The following INPP5A variants were observed in gnomAD, a reference collection of about 807,000 sequenced individuals.
The protein encoded by INPP5A is inositol polyphosphate-5-phosphatase A, also known as 43 kDa inositol polyphosphate 5-phophatase.
INPP5A carries 14 observed loss-of-function variants against 65.2 expected under a neutral mutation model. The observed-to-expected ratio is 0.21, with a 90% confidence interval of 0.14 to 0.34. INPP5A has a LOEUF of 0.34. Ranked by LOEUF, INPP5A falls within the 10% of genes least tolerant of loss-of-function variation. The pLI, the probability that INPP5A is intolerant of heterozygous loss-of-function variation, is 1.00. For missense variants in INPP5A, 431 were observed against 545.6 expected, an observed-to-expected ratio of 0.79 and a Z score of 2.09; for synonymous variants, 207 against 208.3, an observed-to-expected ratio of 0.99 and a Z score of 0.05.
At position 132,731,808 on chromosome 10, in the gene INPP5A, T is replaced by C. The variant is rs193172343; in HGVS notation, c.732+4903T>C. Among the ~76,000 whole-genome samples the C allele has an allele frequency of 4.2e-4, 64 of 152,366 alleles. No individual in the cohort carries two copies. In the East Asian group the frequency reaches 0.01, roughly 25 times the overall value. On this transcript the variant is annotated intron_variant, in intron 9 of 15. Coordinates refer to ENST00000368594, the MANE Select transcript of INPP5A (RefSeq NM_005539.5). The stretch of plus-strand genomic sequence containing the variant: ...GAATCGGCAGAAGGAAAGCCGCATG[T>C]GCTCTGTGGTTATCACCGAGGCATG...
intron 1 of INPP5A, among the ~76,000 whole-genome samples, chr10:132,564,306 T>C (rs1186836117): frequency 6.6e-6 from 1 of 152,140 alleles, no homozygotes; most frequent in African/African-American, 2.4e-5. Context: ...ACGGATCTTA[T>C]GGAGGAGTTG....
rs1195013314 is a variant in INPP5A, at chr10:132,546,727, CA to C, written c.75+8557del. Reference sequence around the variant, plus strand: ...ACTGCCCCTCTTCCTGGGTGCACTGCATACCCCGGGCCCCCTGGGCTCTGGC... The same window carrying C: ...ACTGCCCCTCTTCCTGGGTGCACTGCTACCCCGGGCCCCCTGGGCTCTGGC... On this transcript the variant is annotated intron_variant, in intron 1 of 15. Coordinates refer to ENST00000368594, the MANE Select transcript of INPP5A (RefSeq NM_005539.5). The surrounding 1 kb of genome is among the most constrained non-coding windows in gnomAD (Gnocchi z 5.7). 6.6e-6 allele frequency among the ~76,000 whole-genome samples: 1 copy of C among 152,200 alleles called. No homozygotes were observed. The highest frequency in any genetic ancestry group is 1.5e-5 in the Non-Finnish European group (1 of 68,034).
At position 132,749,962 on chromosome 10, in the gene INPP5A, C is replaced by G. The variant is rs1288364779; in HGVS notation, c.903+117C>G. The G allele has an allele frequency of 3.3e-6, 3 of 921,460 alleles. No homozygotes were observed. In the East Asian group the frequency reaches 7.4e-5, roughly 23 times the overall value. The allele number at this position is 921,460 out of a possible 1,614,324, so 57.1% of individuals were successfully genotyped here. On this transcript the variant is annotated intron_variant, in intron 11 of 15. Coordinates refer to ENST00000368594, the MANE Select transcript of INPP5A (RefSeq NM_005539.5). ...TGCCTTGTCCCTGCCACCTCCAGGA[C>G]TCAGTTCTGAGCCAGTGCAAGTCAG...
intron 13 of INPP5A, among the ~76,000 whole-genome samples, chr10:132,778,796 G>C (rs1166231137): frequency 1.3e-5 from 2 of 152,214 alleles, no homozygotes; most frequent in African/African-American, 4.8e-5. Context: ...TGAGGCTCCA[G>C]TTGTCCCTCA....
At chr10:132,554,569 G>A (rs1164601581) in intron 1 of INPP5A, among the ~76,000 whole-genome samples, 1 of 152,042 alleles carries the variant, frequency 6.6e-6, no homozygotes, top group Admixed American at 6.5e-5. Flanking sequence ...GGTTGTGGTT[G>A]GCGTGGTTGG....
rs1356093106 is a variant in INPP5A, at chr10:132,551,702, G to C, written c.75+13531G>C. 1.3e-5 allele frequency among the ~76,000 whole-genome samples: 2 copies of C among 152,220 alleles called. No individual in the cohort carries two copies. Among genetic ancestry groups the C allele is most frequent in the Non-Finnish European group, 2.9e-5 (2 of 68,042 alleles). On this transcript the variant is annotated intron_variant, in intron 1 of 15. Coordinates refer to ENST00000368594, the MANE Select transcript of INPP5A (RefSeq NM_005539.5). This position sits in a 1 kb window ranked among gnomAD's most constrained non-coding sequence, Gnocchi z 5.3. ...TGTGTGCGTCGTACACAGGTGGAAG[G>C]TGGAGGCCTGGGCCCAGGCTGGAGG...
chr10:132,630,507 A>G (rs2072251250), intron 2 of INPP5A, among the ~76,000 whole-genome samples: 1 of 151,090 alleles, frequency 6.6e-6, no homozygotes, highest in African/African-American at 2.4e-5. Context: ...TCCTTGAGGA[A>G]AAGGCATCCA....
At position 132,705,123 on chromosome 10, in the gene INPP5A, C is replaced by T. The variant is rs562345052; in HGVS notation, c.475-3190C>T. Among the ~76,000 whole-genome samples, 2 of 152,306 alleles carry T rather than the reference C, an allele frequency of 1.3e-5. No homozygotes were observed. The highest frequency in any genetic ancestry group is 2.1e-4 in the South Asian group (1 of 4,830). On this transcript the variant is annotated intron_variant, in intron 6 of 15. Transcript: ENST00000368594. This position sits in a 1 kb window ranked among gnomAD's most constrained non-coding sequence, Gnocchi z 4.9. Reference sequence around the variant, plus strand: ...GCACCGTTGGTGGGAGCATGGAGCCCGCTGTGGGGCATCAGCAGCACCCAC... The same window carrying T: ...GCACCGTTGGTGGGAGCATGGAGCCTGCTGTGGGGCATCAGCAGCACCCAC...
rs547323692 is a variant in INPP5A, at chr10:132,612,302, G to A, written c.117+4346G>A. 3.3e-5 allele frequency among the ~76,000 whole-genome samples: 5 copies of A among 152,138 alleles called. No individual in the cohort carries two copies. In the South Asian group the frequency reaches 1.0e-3, roughly 32 times the overall value. On this transcript the variant is annotated intron_variant, in intron 2 of 15. Transcript: ENST00000368594. ...CAGAGGAGGGTGAGGGAGGTGAGGA[G>A]TTCATGGGACAGCTCCTGTCAGACA...
chr10:132,726,664 A>G (rs958069232), intron 8 of INPP5A, among the ~76,000 whole-genome samples, 157 bp from the exon 9 acceptor site: 6 of 151,968 alleles, frequency 3.9e-5, no homozygotes, highest in East Asian at 1.9e-4. Context: ...CTCAGAGCTG[A>G]ATTTTGGGTG....
At chr10:132,633,588 G>T (rs1305667960) in intron 2 of INPP5A, among the ~76,000 whole-genome samples, 1 of 152,154 alleles carries the variant, frequency 6.6e-6, no homozygotes, top group East Asian at 1.9e-4. Context: ...CCCCAAGCAG[G>T]ACGTTGGTAA....
chr10:132,718,391 C>T lies in INPP5A; in HGVS notation c.647+7935C>T, dbSNP rs531521577. On this transcript the variant is annotated intron_variant, in intron 8 of 15. Coordinates refer to ENST00000368594, the MANE Select transcript of INPP5A (RefSeq NM_005539.5). ...CTGTGGTGCCTGGGTTCTGTCTGGGCGCCTTAGACGACTGTCTTGCGGGTT... is the reference window on the plus strand; with the variant it reads ...CTGTGGTGCCTGGGTTCTGTCTGGGTGCCTTAGACGACTGTCTTGCGGGTT... 8.4e-4 allele frequency among the ~76,000 whole-genome samples: 126 copies of T among 150,538 alleles called. No homozygotes were observed. In the South Asian group the frequency reaches 0.016, roughly 20 times the overall value.
intron 5 of INPP5A, among the ~76,000 whole-genome samples, chr10:132,694,088 A>G (rs1845310023): frequency 6.6e-6 from 1 of 152,222 alleles, no homozygotes; most frequent in Non-Finnish European, 1.5e-5. Flanking sequence ...GTTTTTGTCA[A>G]GCTCGCCTGG....
At position 132,731,987 on chromosome 10, in the gene INPP5A, C is replaced by A. The variant is rs7899258; in HGVS notation, c.732+5082C>A. On this transcript the variant is annotated intron_variant, in intron 9 of 15. Coordinates refer to ENST00000368594, the MANE Select transcript of INPP5A (RefSeq NM_005539.5). Reference sequence around the variant, plus strand: ...AATTGGACACCATGTCCCCAACAGACGTAGATGCCACCCAGGGGAGCCCCC... The same window carrying A: ...AATTGGACACCATGTCCCCAACAGAAGTAGATGCCACCCAGGGGAGCCCCC... 2.0e-5 allele frequency among the ~76,000 whole-genome samples: 3 copies of A among 152,228 alleles called. No homozygotes were observed. The East Asian group carries it at 5.8e-4, about 29-fold the overall frequency.
intron 9 of INPP5A, among the ~76,000 whole-genome samples, chr10:132,745,697 G>A (rs547753909): frequency 1.0e-3 from 148 of 147,920 alleles, no homozygotes; most frequent in African/African-American, 3.4e-3. Context: ...TGGTGGCCTC[G>A]GGTGTGGTGG....
intron 6 of INPP5A, among the ~76,000 whole-genome samples, chr10:132,703,669 C>G (rs1845477999): frequency 8.3e-6 from 1 of 120,112 alleles, no homozygotes; most frequent in Non-Finnish European, 1.7e-5. Flanking sequence ...CACACACACA[C>G]ACGTGCAGCT....
intron 2 of INPP5A, among the ~76,000 whole-genome samples, chr10:132,642,297 G>A (rs551089137): frequency 2.0e-5 from 3 of 152,200 alleles, no homozygotes; most frequent in Non-Finnish European, 4.4e-5. Flanking sequence ...TGCAGTGTCC[G>A]GCGGGCTGGG....
intron 8 of INPP5A, among the ~76,000 whole-genome samples, chr10:132,723,904 C>A (rs1845939386): frequency 6.6e-6 from 1 of 152,194 alleles, no homozygotes; most frequent in Admixed American, 6.5e-5. Flanking sequence ...CAAGCGCTTC[C>A]CTTTCTCCTG....
chr10:132,563,509 T>C (rs918485382), intron 1 of INPP5A, among the ~76,000 whole-genome samples: 1 of 152,182 alleles, frequency 6.6e-6, no homozygotes, highest in Non-Finnish European at 1.5e-5. Context: ...GAATTTAGAA[T>C]GTATACAGGG....
Sources: gnomAD v4.1 joint callset for allele counts (sites outside exome capture counted in the v4.1 genomes callset) on GRCh38, gnomAD v4.1.1 for gene constraint, Gnocchi (gnomAD v3.1) non-coding constraint, MANE v1.5 for transcripts, NCBI Gene and HGNC (gene_info 2026-07-23, HGNC 2026-07-21) for gene names.